Variants in ADGRL3 observed in about 807,000 individuals in gnomAD.
ADGRL3 encodes the protein adhesion G protein-coupled receptor L3, also known as calcium-independent alpha-latrotoxin receptor 3.
A neutral mutation model predicts 153.5 loss-of-function variants in ADGRL3; 62 were observed. That is an observed-to-expected ratio of 0.40 (90% CI 0.33 to 0.50). ADGRL3 has a LOEUF of 0.50. Ranked by LOEUF, ADGRL3 falls within the 20% of genes least tolerant of loss-of-function variation. ADGRL3 has a pLI of 0.47. For synonymous variants in ADGRL3, 710 were observed against 672.5 expected (o/e 1.06, Z -0.86); for missense variants, 1,641 against 1,859.4 (o/e 0.88, Z 2.16).
intron 20 of ADGRL3, 90 bp downstream of exon 20, chr4:61,996,447 T>G: frequency 1.1e-6 from 1 of 879,740 alleles, no homozygotes. Flanking sequence ...TTACAGAGGT[T>G]AATTTGGGGA....
chr4:62,020,084 G>A (rs952953862), intron 21 of ADGRL3, among the ~76,000 whole-genome samples: 1 of 151,974 alleles, frequency 6.6e-6, no homozygotes, highest in Non-Finnish European at 1.5e-5. Context: ...CTTTTCTTGT[G>A]TTCTAGTTAT....
At chr4:61,403,001 A>C (rs1219752180) in intron 2 of ADGRL3, among the ~76,000 whole-genome samples, 1 of 151,598 alleles carries the variant, frequency 6.6e-6, no homozygotes, top group African/African-American at 2.4e-5. Context: ...GTAGGCCCTC[A>C]TCCTGGCTTG....
intron 21 of ADGRL3, among the ~76,000 whole-genome samples, chr4:62,000,103 A>T (rs1248324614): frequency 6.6e-6 from 1 of 151,862 alleles, no homozygotes; most frequent in Non-Finnish European, 1.5e-5. Flanking sequence ...CCTATTTTGT[A>T]GTATAAAATA....
intron 1 of ADGRL3, chr4:61,211,599 C>T (rs772273902): frequency 1.3e-5 from 2 of 152,158 alleles, no homozygotes; most frequent in Non-Finnish European, 2.9e-5. Context: ...TTAGGAAAAT[C>T]ATTGAAAATG....
intron 6 of ADGRL3, among the ~76,000 whole-genome samples, chr4:61,717,861 C>T (rs565551073): frequency 5.3e-5 from 8 of 151,856 alleles, no homozygotes; most frequent in African/African-American, 1.9e-4. Flanking sequence ...TGGTGGAACC[C>T]CATCTCAATT....
At chr4:61,939,750 G>A (rs1412568582) in intron 15 of ADGRL3, among the ~76,000 whole-genome samples, 7 of 151,976 alleles carry the variant, frequency 4.6e-5, no homozygotes, top group Admixed American at 1.3e-4. Flanking sequence ...TTACAGGCAT[G>A]AGCCACCACA....
chr4:61,936,374 A>T (rs896852681), intron 15 of ADGRL3, among the ~76,000 whole-genome samples: 5 of 152,132 alleles, frequency 3.3e-5, no homozygotes, highest in Non-Finnish European at 7.4e-5. Flanking sequence ...GAGTTTGCAG[A>T]TTTCACTTGT....
intron 26 of ADGRL3, among the ~76,000 whole-genome samples, chr4:62,069,377 TAAC>T (rs1744670199): frequency 6.6e-6 from 1 of 152,038 alleles, no homozygotes; most frequent in Non-Finnish European, 1.5e-5. Context: ...TGGTATATAA[TAAC>T]AGCCAAAATG....
At chr4:61,380,109 T>C (rs920122118) in intron 1 of ADGRL3, among the ~76,000 whole-genome samples, 11 of 152,112 alleles carry the variant, frequency 7.2e-5, no homozygotes, top group Non-Finnish European at 1.3e-4. Flanking sequence ...ATATATCTAT[T>C]ACACATAGTA....
intron 1 of ADGRL3, among the ~76,000 whole-genome samples, chr4:61,263,648 GACA>G (rs2092682626): frequency 6.6e-6 from 1 of 151,964 alleles, no homozygotes; most frequent in African/African-American, 2.4e-5. Flanking sequence ...CGTTTAATGA[GACA>G]TTCAATGCAG....
chr4:61,722,754 T>C (rs1287711916), intron 6 of ADGRL3, among the ~76,000 whole-genome samples: 2 of 152,140 alleles, frequency 1.3e-5, no homozygotes, highest in Non-Finnish European at 2.9e-5. Context: ...TTTGATAAAA[T>C]TGGAATGCCA....
chr4:61,311,583 G>C (rs1322805153), intron 1 of ADGRL3, among the ~76,000 whole-genome samples: 1 of 152,090 alleles, frequency 6.6e-6, no homozygotes, highest in Non-Finnish European at 1.5e-5. Context: ...GTCAAATAAT[G>C]TTACTCACAC....
At chr4:61,229,695 G>A (rs1322268588) in intron 1 of ADGRL3, among the ~76,000 whole-genome samples, 1 of 152,092 alleles carries the variant, frequency 6.6e-6, no homozygotes. Context: ...CCAAAGCCCA[G>A]GAGTTTGAGA....
intron 6 of ADGRL3, among the ~76,000 whole-genome samples, chr4:61,694,437 T>A (rs1203607214): frequency 6.6e-6 from 1 of 152,172 alleles, no homozygotes; most frequent in Non-Finnish European, 1.5e-5. Flanking sequence ...TCCCAGTGCA[T>A]GTAAAAGTTA....
chr4:61,409,389 AT>A (rs2097055135), intron 2 of ADGRL3, among the ~76,000 whole-genome samples: 1 of 108,228 alleles, frequency 9.2e-6, no homozygotes, highest in Non-Finnish European at 1.9e-5. Context: ...TATTATATAT[AT>A]ATTAGACATA....
intron 2 of ADGRL3, among the ~76,000 whole-genome samples, chr4:61,481,834 A>T (rs901347055): frequency 6.6e-6 from 1 of 152,106 alleles, no homozygotes; most frequent in Non-Finnish European, 1.5e-5. Context: ...TCTCTTTAAC[A>T]TTTTTAGAAA....
chr4:61,645,061 T>A (rs1409243748), intron 5 of ADGRL3, among the ~76,000 whole-genome samples: 2 of 152,134 alleles, frequency 1.3e-5, no homozygotes, highest in African/African-American at 4.8e-5. Context: ...TCTCTTTTGA[T>A]CTTTGTTGGT....
At chr4:61,475,085 A>G (rs916820010) in intron 2 of ADGRL3, among the ~76,000 whole-genome samples, 3 of 152,126 alleles carry the variant, frequency 2.0e-5, no homozygotes, top group Non-Finnish European at 4.4e-5. Flanking sequence ...TGTGAAATAT[A>G]TGTTTTCCGT....
At position 61,251,229 on chromosome 4, in the gene ADGRL3, A is replaced by C. The variant is rs970990323; in HGVS notation, c.-240+49464A>C. Among the ~76,000 whole-genome samples the C allele has an allele frequency of 2.6e-5, 4 of 152,114 alleles. No homozygotes were observed. In the South Asian group the frequency reaches 6.2e-4, roughly 24 times the overall value. On this transcript the variant is annotated intron_variant, in intron 1 of 26. Transcript: ENST00000683033. ...ACGTCTGGGGCCTGGAATCATCTGG[A>C]GGCTCTTTCACTCACACGCCTGGTT...
Sources: allele counts gnomAD v4.1 joint callset (sites outside exome capture counted in the v4.1 genomes callset), GRCh38; gene constraint gnomAD v4.1.1; transcripts MANE v1.5; gene names NCBI Gene and HGNC (gene_info 2026-07-23, HGNC 2026-07-21).